The following GRM7 variants were observed in gnomAD, a reference collection of about 807,000 sequenced individuals.
The protein encoded by GRM7 is glutamate metabotropic receptor 7.
A neutral mutation model predicts 84.5 loss-of-function variants in GRM7; 35 were observed. That is an observed-to-expected ratio of 0.41 (90% CI 0.32 to 0.55). GRM7 has a LOEUF of 0.55. Among genes scored for constraint, GRM7 ranks in the 20% least tolerant of loss-of-function variants. The pLI, the probability that GRM7 is intolerant of heterozygous loss-of-function variation, is 0.19. For synonymous variants in GRM7, 487 were observed against 455.1 expected (o/e 1.07, Z -0.89); for missense variants, 1,003 against 1,194.6 (o/e 0.84, Z 2.36).
chr3:7,651,638 G>A (rs1698943225), intron 8 of GRM7, among the ~76,000 whole-genome samples: 1 of 152,126 alleles, frequency 6.6e-6, no homozygotes, highest in South Asian at 2.1e-4. Context: ...GTTCCATGCA[G>A]GAAATTTCAA....
chr3:7,654,702 T>TA (rs2125117584), intron 8 of GRM7, among the ~76,000 whole-genome samples: 1 of 152,324 alleles, frequency 6.6e-6, no homozygotes, highest in East Asian at 1.9e-4. Context: ...CTGAGGTTGA[T>TA]ATCACAGCAC....
At chr3:6,950,461 C>T (rs1010581617) in intron 1 of GRM7, among the ~76,000 whole-genome samples, 2 of 152,314 alleles carry the variant, frequency 1.3e-5, no homozygotes, top group South Asian at 4.1e-4. Flanking sequence ...TGTCAGTACG[C>T]CCCTACTGGG....
chr3:7,561,565 C>T (rs1469241309), intron 7 of GRM7: 1 of 456,430 alleles, frequency 2.2e-6, no homozygotes, highest in Admixed American at 2.4e-5. Context: ...TCGTAGTACC[C>T]TTAGTAGTGT....
chr3:6,998,759 C>T (rs1310675893), intron 1 of GRM7, among the ~76,000 whole-genome samples: 4 of 152,226 alleles, frequency 2.6e-5, no homozygotes, highest in Non-Finnish European at 5.9e-5. Flanking sequence ...CCCTCTGAAG[C>T]CATGGCCTGA....
At chr3:7,678,456 G>A (rs1700226524) in intron 8 of GRM7, among the ~76,000 whole-genome samples, 1 of 152,132 alleles carries the variant, frequency 6.6e-6, no homozygotes, top group South Asian at 2.1e-4. Context: ...TGACAGTGGT[G>A]ACAAAAATTG....
intron 2 of GRM7, among the ~76,000 whole-genome samples, chr3:7,161,763 G>A (rs959009340): frequency 2.4e-4 from 36 of 152,224 alleles, no homozygotes; most frequent in African/African-American, 8.4e-4. Flanking sequence ...CTAGATCCTA[G>A]GGGTGAACAA....
At chr3:6,967,718 T>C (rs1039862415) in intron 1 of GRM7, among the ~76,000 whole-genome samples, 2 of 152,208 alleles carry the variant, frequency 1.3e-5, no homozygotes, top group Non-Finnish European at 2.9e-5. Flanking sequence ...CAAAAACTAT[T>C]ATGTCCCATG....
chr3:6,880,611 T>C (rs1461699208), intron 1 of GRM7, among the ~76,000 whole-genome samples: 2 of 152,140 alleles, frequency 1.3e-5, no homozygotes, highest in African/African-American at 2.4e-5. Context: ...CAAATTTTCC[T>C]TTCCAAAATG....
chr3:7,460,519 C>G (rs926152478), intron 6 of GRM7, among the ~76,000 whole-genome samples: 2 of 152,100 alleles, frequency 1.3e-5, no homozygotes, highest in Non-Finnish European at 2.9e-5. Flanking sequence ...GGCCAAAGCA[C>G]CATTTGAGTT....
intron 1 of GRM7, among the ~76,000 whole-genome samples, chr3:6,872,653 C>T (rs569418412): frequency 6.6e-6 from 1 of 152,078 alleles, no homozygotes; most frequent in South Asian, 2.1e-4. Flanking sequence ...GTGATGTTCC[C>T]CTCCCTGTGT....
chr3:7,138,099 A>C (rs1345428238), intron 1 of GRM7, among the ~76,000 whole-genome samples: 1 of 152,072 alleles, frequency 6.6e-6, no homozygotes, highest in Non-Finnish European at 1.5e-5. Context: ...TAAAAGTGAT[A>C]ATGACATGCC....
At chr3:7,157,740 A>G (rs1312920426) in intron 2 of GRM7, among the ~76,000 whole-genome samples, 1 of 151,724 alleles carries the variant, frequency 6.6e-6, no homozygotes, top group Admixed American at 6.6e-5. Flanking sequence ...AACAATCCCC[A>G]AATTCCTCCA....
intron 7 of GRM7, among the ~76,000 whole-genome samples, chr3:7,508,982 A>G (rs927390130): frequency 6.6e-6 from 1 of 152,144 alleles, no homozygotes; most frequent in East Asian, 1.9e-4. Context: ...CAAAGTTTCA[A>G]TGACCCATGG....
chr3:7,381,269 C>CA, intron 4 of GRM7, among the ~76,000 whole-genome samples: 1 of 152,104 alleles, frequency 6.6e-6, no homozygotes, highest in Non-Finnish European at 1.5e-5. Context: ...CAAATCTGGA[C>CA]AAAAATCCAG....
At chr3:7,155,379 C>G (rs1694415511) in intron 2 of GRM7, among the ~76,000 whole-genome samples, 1 of 151,818 alleles carries the variant, frequency 6.6e-6, no homozygotes, top group Non-Finnish European at 1.5e-5. Flanking sequence ...CCCCACTGTT[C>G]CACCCCCACC....
intron 8 of GRM7, among the ~76,000 whole-genome samples, chr3:7,599,860 G>C (rs112785313): frequency 8.8e-4 from 134 of 152,172 alleles, no homozygotes; most frequent in African/African-American, 3.0e-3. Context: ...GTACACGGTC[G>C]TGGGGGGTGG....
At chr3:6,878,493 C>T (rs181720370) in intron 1 of GRM7, among the ~76,000 whole-genome samples, 2 of 150,658 alleles carry the variant, frequency 1.3e-5, no homozygotes, top group African/African-American at 4.9e-5. Flanking sequence ...TGAGCAAATG[C>T]TTTGTGTCTG....
At chr3:7,719,297 T>C (rs1701863416) in intron 9 of GRM7, among the ~76,000 whole-genome samples, 1 of 152,164 alleles carries the variant, frequency 6.6e-6, no homozygotes, top group East Asian at 1.9e-4. Flanking sequence ...AATCTAGAGA[T>C]AGATGGCCAT....
chr3:7,530,164 C>T lies in GRM7; in HGVS notation c.1516-48258C>T, dbSNP rs1419517581. On this transcript the variant is annotated intron_variant, in intron 7 of 9. Coordinates refer to ENST00000357716, the MANE Select transcript of GRM7 (RefSeq NM_000844.4). ...GTGTCCATGTGTTCTCATTGTTCAA[C>T]TCCCAATTATAAGTGAGGACATGCA... is the stretch of plus-strand genomic sequence containing the variant. 4.3e-5 allele frequency among the ~76,000 whole-genome samples: 6 copies of T among 138,380 alleles called. No homozygotes were observed. The East Asian group carries it at 1.5e-3, about 34-fold the overall frequency. The allele number at this position is 138,380 out of a possible 152,430, so 90.8% of individuals were successfully genotyped here.
Sources: gnomAD v4.1 joint callset for allele counts (sites outside exome capture counted in the v4.1 genomes callset) on GRCh38, gnomAD v4.1.1 for gene constraint, MANE v1.5 for transcripts, NCBI Gene and HGNC (gene_info 2026-07-23, HGNC 2026-07-21) for gene names.